The following DNAJC16 variants were observed in gnomAD, a reference collection of about 807,000 sequenced individuals.
DNAJC16 encodes the protein DnaJ heat shock protein family (Hsp40) member C16.
DNAJC16 carries 76 observed loss-of-function variants against 92.7 expected under a neutral mutation model. That is an observed-to-expected ratio of 0.82 (90% CI 0.68 to 0.99). The LOEUF is 0.99. Ranked by LOEUF, DNAJC16 falls within the 50% of genes least tolerant of loss-of-function variation. The probability of loss-of-function intolerance (pLI) is 0.00; values close to 1 mark genes in which losing one functional copy is unlikely to be tolerated. For synonymous variants in DNAJC16, 328 were observed against 358.7 expected, an observed-to-expected ratio of 0.91 and a Z score of 0.97; for missense variants, 869 against 942.4, an observed-to-expected ratio of 0.92 and a Z score of 1.02.
chr1:15,564,545 CT>C lies in DNAJC16; in HGVS notation c.1598+199del, dbSNP rs34711960. Among the ~76,000 whole-genome samples, 203 of 142,356 alleles carry C rather than the reference CT, an allele frequency of 1.4e-3. 1 individual carries two copies. Among genetic ancestry groups the C allele is most frequent in the African/African-American group, 2.1e-3 (80 of 38,708 alleles). 93.4% of individuals were successfully genotyped at this position (142,356 alleles called of 152,430 possible). On this transcript the variant is annotated intron_variant, in intron 11 of 14. Coordinates refer to ENST00000375847, the MANE Select transcript of DNAJC16 (RefSeq NM_015291.4). ...TAACTTCCCTTTTTTTTATTTTTTA[CT>C]TTTTTTTTTTTTGAGACAAAGTCTT...
chr1:15,563,726 C>A (rs59532384), intron 9 of DNAJC16, among the ~76,000 whole-genome samples: 1 of 136,628 alleles, frequency 7.3e-6, no homozygotes, highest in African/African-American at 2.7e-5. Flanking sequence ...GCAGGTGCCT[C>A]TAGTCCCAGC....
chr1:15,560,185 GAGA>G (rs1557585948), intron 8 of DNAJC16: 3 of 152,334 alleles, frequency 2.0e-5, no homozygotes, highest in African/African-American at 7.2e-5. Flanking sequence ...CTAGTGGTCA[GAGA>G]AGATTTCCCT....
At chr1:15,531,200 G>A (rs1710652059) in intron 2 of DNAJC16, among the ~76,000 whole-genome samples, 1 of 152,238 alleles carries the variant, frequency 6.6e-6, no homozygotes, top group African/African-American at 2.4e-5. Flanking sequence ...AAGCAAAACT[G>A]CCACATTGAG....
At chr1:15,550,247 T>C (rs575246640) in intron 7 of DNAJC16, among the ~76,000 whole-genome samples, 1 of 152,368 alleles carries the variant, frequency 6.6e-6, no homozygotes, top group African/African-American at 2.4e-5. Context: ...GATGAGGATT[T>C]CCTAAATTGG....
At chr1:15,566,047 A>C in intron 12 of DNAJC16, 35 bp from the exon 13 acceptor site, 1 of 1,612,552 alleles carries the variant, frequency 6.2e-7, no homozygotes, top group Non-Finnish European at 8.5e-7. Context: ...TGGTGTTGAC[A>C]CTTTTTTTGT....
At chr1:15,538,547 GTC>G (rs1480664941) in intron 4 of DNAJC16, among the ~76,000 whole-genome samples, 2 of 151,814 alleles carry the variant, frequency 1.3e-5, no homozygotes, top group African/African-American at 4.8e-5. Flanking sequence ...CTGAAACTCT[GTC>G]TCTAGTAAAA....
At chr1:15,532,311 T>C (rs1710679198) in intron 2 of DNAJC16, among the ~76,000 whole-genome samples, 1 of 152,220 alleles carries the variant, frequency 6.6e-6, no homozygotes, top group Non-Finnish European at 1.5e-5. Context: ...ATTTTAAAGA[T>C]TGTGTATTAT....
Position 15,568,013 on chromosome 1 carries a change from G to A in DNAJC16, c.2185G>A (p.Val729Ile). Residue 729 changes from valine to isoleucine, a missense_variant, in exon 15 of 15, where the codon GTT (valine) becomes ATT (isoleucine). Transcript: ENST00000375847. ...EEEAIGSCSDVDSSLYLGESR... is the reference protein window; with the variant it reads ...EEEAIGSCSDIDSSLYLGESR... ...GGAAGCCATAGGGTCGTGCAGTGAT[G>A]TTGACTCTTCCCTCTACCTGGGTGA... The A allele has an allele frequency of 6.2e-7, 1 of 1,614,226 alleles. No individual in the cohort carries two copies. Among genetic ancestry groups the A allele is most frequent in the South Asian group, 1.1e-5 (1 of 91,086 alleles).
chr1:15,554,851 G>A (rs1638529421), intron 7 of DNAJC16, among the ~76,000 whole-genome samples: 1 of 152,084 alleles, frequency 6.6e-6, no homozygotes, highest in South Asian at 2.1e-4. Flanking sequence ...TATAGGGGAA[G>A]TATGTCTTAA....
intron 7 of DNAJC16, among the ~76,000 whole-genome samples, chr1:15,557,863 G>A (rs1638601781): frequency 1.3e-5 from 2 of 151,796 alleles, no homozygotes; most frequent in African/African-American, 4.8e-5. Context: ...CTCCCAAGTA[G>A]CTGGGACTAC....
intron 3 of DNAJC16, among the ~76,000 whole-genome samples, chr1:15,536,072 CTTTTTTTTTT>C (rs758451008): frequency 1.2e-5 from 1 of 84,612 alleles, no homozygotes. Context: ...CTTTTCTTTT[CTTTTTTTTTT>C]TTTTTTTTGA....
intron 8 of DNAJC16, among the ~76,000 whole-genome samples, chr1:15,561,784 TTGG>T (rs1465708014): frequency 6.6e-6 from 1 of 152,126 alleles, no homozygotes; most frequent in East Asian, 1.9e-4. Flanking sequence ...TCCCAACACT[TTGG>T]GAGCCTGAGG....
chr1:15,534,762 T>C (rs1201111502), intron 3 of DNAJC16, among the ~76,000 whole-genome samples: 1 of 152,086 alleles, frequency 6.6e-6, no homozygotes, highest in Non-Finnish European at 1.5e-5. Flanking sequence ...ACATCCAGTA[T>C]ATTGGAACAA....
Position 15,567,260 on chromosome 1 carries a change from C to G in DNAJC16, c.1940C>G (p.Thr647Arg), listed in dbSNP as rs372802491. Residue 647 changes from threonine to arginine, a missense_variant, in exon 14 of 15, where the codon ACA becomes AGA. Transcript: ENST00000375847. Reference sequence around the variant, plus strand: ...CAGAAATTTGCTTTGGAGGTCTACACATTTACTGGGTAAGCATGTGTGTGT... The same window carrying G: ...CAGAAATTTGCTTTGGAGGTCTACAGATTTACTGGGTAAGCATGTGTGTGT... ...LLQKFALEVY[T>R]FTGSSCLHFS... is the part of the protein sequence containing the mutation. 5 of 1,613,406 alleles carry G rather than the reference C, an allele frequency of 3.1e-6. No homozygotes were observed. Among genetic ancestry groups the G allele is most frequent in the Non-Finnish European group, 3.4e-6 (4 of 1,179,560 alleles).
At position 15,567,103 on chromosome 1, in the gene DNAJC16, A is replaced by T; in HGVS notation, c.1783A>T (p.Ile595Phe). The change falls in exon 14 of 15, where the codon ATT becomes TTT. Residue 595 changes from isoleucine to phenylalanine, a missense_variant. Ile to Phe is a conservative substitution (Grantham distance 21). Transcript: ENST00000375847. ...PSFTKENSSK[I>F]PKKGFVEVTE... is the part of the protein sequence containing the mutation. ...CTCCTCAATATTTCTCCACAGCAAG[A>T]TTCCTAAAAAAGGCTTTGTGGAGGT... The T allele has an allele frequency of 1.9e-6, 3 of 1,605,814 alleles. No individual in the cohort carries two copies. Among genetic ancestry groups the T allele is most frequent in the Non-Finnish European group, 1.7e-6 (2 of 1,172,876 alleles).
intron 2 of DNAJC16, among the ~76,000 whole-genome samples, chr1:15,529,591 C>A (rs1710606450): frequency 6.6e-6 from 1 of 152,076 alleles, no homozygotes; most frequent in East Asian, 1.9e-4. Context: ...AATGGATATG[C>A]TACCCTTCCC....
intron 7 of DNAJC16, among the ~76,000 whole-genome samples, chr1:15,557,904 T>C (rs1232379955): frequency 1.3e-5 from 2 of 149,796 alleles, no homozygotes; most frequent in African/African-American, 2.4e-5. Context: ...AGCTAACAAC[T>C]TTTTTTTTCC....
rs1329969739 is a variant in DNAJC16, at chr1:15,546,812, G to A, written c.805G>A (p.Glu269Lys). 3.1e-6 allele frequency: 5 copies of A among 1,613,678 alleles called. No individual in the cohort carries two copies. The highest frequency in any genetic ancestry group is 1.7e-5 in the Admixed American group (1 of 59,964). The change falls in exon 6 of 15, where the codon GAG (glutamate) becomes AAG (lysine). Residue 269 changes from glutamate (E) to lysine (K), a missense_variant. Transcript: ENST00000375847. ...CAGATTCCTCTCTGGCTGGCAGCAAGAGAATAAGCCTCATGTCCTTCTGTT... is the reference window on the plus strand; with the variant it reads ...CAGATTCCTCTCTGGCTGGCAGCAAAAGAATAAGCCTCATGTCCTTCTGTT... ...YVRFLSGWQQENKPHVLLFDQ... is the reference protein window; with the variant it reads ...YVRFLSGWQQKNKPHVLLFDQ...
At chr1:15,529,317 C>T in intron 2 of DNAJC16, 45 bp downstream of exon 2, 1 of 1,552,018 alleles carries the variant, frequency 6.4e-7, no homozygotes, top group Non-Finnish European at 8.8e-7. Flanking sequence ...GCTAAACAGT[C>T]TTAGCAGGGA....
Sources: gnomAD v4.1 joint callset for allele counts (sites outside exome capture counted in the v4.1 genomes callset) on GRCh38, gnomAD v4.1.1 for gene constraint, MANE v1.5 for transcripts, NCBI Gene and HGNC (gene_info 2026-07-23, HGNC 2026-07-21) for gene names.